The following RAP1GAP2 variants were observed in gnomAD, a reference collection of about 807,000 sequenced individuals.
RAP1GAP2 encodes the protein rap1 GTPase-activating protein 2.
Under a neutral mutation model 95.0 loss-of-function variants are expected in RAP1GAP2, and 27 were observed. That is an observed-to-expected ratio of 0.28 (90% confidence interval 0.21 to 0.39). The LOEUF is 0.39. RAP1GAP2 is among the 10% of genes least tolerant of loss of function. The pLI, the probability that RAP1GAP2 is intolerant of heterozygous loss-of-function variation, is 1.00. For synonymous variants in RAP1GAP2, 373 were observed against 380.9 expected, an observed-to-expected ratio of 0.98 and a Z score of 0.24; for missense variants, 771 against 970.0, an observed-to-expected ratio of 0.79 and a Z score of 2.72.
intron 2 of RAP1GAP2, among the ~76,000 whole-genome samples, chr17:2,874,007 C>T (rs2072975609): frequency 6.6e-6 from 1 of 151,990 alleles, no homozygotes; most frequent in South Asian, 2.1e-4. Flanking sequence ...AACTCCCGAC[C>T]TCAGGTGATC....
At chr17:2,959,401 C>T (rs1291940605) in intron 4 of RAP1GAP2, among the ~76,000 whole-genome samples, 1 of 152,134 alleles carries the variant, frequency 6.6e-6, no homozygotes, top group East Asian at 1.9e-4. Flanking sequence ...GTGCCTGTTC[C>T]CTTTCAGTTG....
intron 2 of RAP1GAP2, among the ~76,000 whole-genome samples, chr17:2,834,904 AAATTAAATT>A (rs1327743707): frequency 6.6e-6 from 1 of 151,924 alleles, no homozygotes; most frequent in Non-Finnish European, 1.5e-5. Flanking sequence ...AAATTAAAAT[AAATTAAATT>A]AATTAATTAT....
chr17:2,825,774 G>A lies in RAP1GAP2; in HGVS notation c.80+25224G>A, dbSNP rs932540882. Among the ~76,000 whole-genome samples, 1 of 152,080 alleles carries A rather than the reference G, an allele frequency of 6.6e-6. No individual in the cohort carries two copies. ...AGCGTTTAGGTGTGAAGAGGGTCTG[G>A]TGCCCGCATCCAAGGAACTCACAGT... On this transcript the variant is annotated intron_variant, in intron 2 of 24. Transcript: ENST00000254695. The surrounding 1 kb of genome is among the most constrained non-coding windows in gnomAD (Gnocchi z 4.1).
At chr17:3,030,034 A>G (rs531953670) in intron 22 of RAP1GAP2, among the ~76,000 whole-genome samples, 1 of 148,556 alleles carries the variant, frequency 6.7e-6, no homozygotes, top group East Asian at 1.9e-4. Flanking sequence ...TAAGTATTTT[A>G]TATGTATATA....
intron 14 of RAP1GAP2, among the ~76,000 whole-genome samples, chr17:2,999,417 C>G (rs1157590220): frequency 6.6e-6 from 1 of 152,150 alleles, no homozygotes; most frequent in Non-Finnish European, 1.5e-5. Context: ...AAAGAGAGGC[C>G]ATACCTTAAA....
chr17:2,863,783 A>G (rs1455405977), intron 2 of RAP1GAP2, among the ~76,000 whole-genome samples: 1 of 152,126 alleles, frequency 6.6e-6, no homozygotes, highest in Non-Finnish European at 1.5e-5. Flanking sequence ...AGGGCCGGGC[A>G]CGGTGGCTCA....
chr17:2,990,672 C>T (rs147390324), intron 11 of RAP1GAP2, among the ~76,000 whole-genome samples: 29 of 152,192 alleles, frequency 1.9e-4, no homozygotes, highest in African/African-American at 6.0e-4. Context: ...ACAGTGGCTG[C>T]GTCATTTTCC....
intron 1 of RAP1GAP2, among the ~76,000 whole-genome samples, chr17:2,781,681 T>C (rs2068655180): frequency 2.7e-5 from 4 of 150,202 alleles, no homozygotes; most frequent in Admixed American, 2.0e-4. Context: ...CGTCTCTGTG[T>C]GTGCAGGTCT....
chr17:2,836,671 T>C (rs941434709), intron 2 of RAP1GAP2, among the ~76,000 whole-genome samples: 3 of 151,940 alleles, frequency 2.0e-5, no homozygotes, highest in African/African-American at 7.3e-5. Context: ...AACAAAAAAC[T>C]GGCTTCAGGT....
chr17:2,945,748 A>G (rs2043676384), intron 3 of RAP1GAP2, among the ~76,000 whole-genome samples: 4 of 150,228 alleles, frequency 2.7e-5, no homozygotes, highest in Admixed American at 2.7e-4. Context: ...TTTCTTCTTC[A>G]TCCTGTTAAT....
Position 2,797,994 on chromosome 17 carries a change from A to G in RAP1GAP2, c.44+1423A>G, listed in dbSNP as rs1597326691. On this transcript the variant is annotated intron_variant, in intron 1 of 24. Transcript: ENST00000254695. This position sits in a 1 kb window ranked among gnomAD's most constrained non-coding sequence, Gnocchi z 5.6. Reference sequence around the variant, plus strand: ...CCCGGTCTCAGCCTAGCTTCATTCCATATGAAGCCCTCTGTGTTGAGACCC... The same window carrying G: ...CCCGGTCTCAGCCTAGCTTCATTCCGTATGAAGCCCTCTGTGTTGAGACCC... 1.3e-5 allele frequency among the ~76,000 whole-genome samples: 2 copies of G among 152,298 alleles called. No homozygotes were observed. Among genetic ancestry groups the G allele is most frequent in the South Asian group, 4.1e-4 (2 of 4,820 alleles).
chr17:2,774,157 G>T (rs1364256431), upstream of RAP1GAP2, among the ~76,000 whole-genome samples: 1 of 152,180 alleles, frequency 6.6e-6, no homozygotes, highest in Non-Finnish European at 1.5e-5. Context: ...AGAATTGTCT[G>T]AAGGGTTCCC....
Position 2,963,187 on chromosome 17 carries a change from A to G in RAP1GAP2, c.247-243A>G. On this transcript the variant is annotated intron_variant, in intron 5 of 24. Coordinates refer to ENST00000254695, the MANE Select transcript of RAP1GAP2 (RefSeq NM_015085.5). This position sits in a 1 kb window ranked among gnomAD's most constrained non-coding sequence, Gnocchi z 4.8. ...TGAGAAGCTGGTATCACGAGGGGTG[A>G]GAAGTTCAGCACCTTCGGACACTGC... 1 of 585,862 alleles carries G rather than the reference A, an allele frequency of 1.7e-6. No homozygotes were observed. The highest frequency in any genetic ancestry group is 2.1e-5 in the South Asian group (1 of 48,288). The allele number at this position is 585,862 out of a possible 1,614,324, so 36.3% of individuals were successfully genotyped here. A position where few individuals can be genotyped will look rare whatever the true frequency, so the allele number is the denominator to read the frequency against.
upstream of RAP1GAP2, among the ~76,000 whole-genome samples, chr17:2,776,691 G>A (rs376337322): frequency 0.037 from 5,537 of 149,750 alleles, 155 homozygotes; most frequent in Non-Finnish European, 0.052. Context: ...CCGGCTGCGC[G>A]TGCGCGGCGG....
At chr17:2,826,147 A>AT (rs71150901) in intron 2 of RAP1GAP2, among the ~76,000 whole-genome samples, 36,073 of 108,588 alleles carry the variant, frequency 0.33, 6,650 homozygotes, top group African/African-American at 0.49. Context: ...CGCCCAGCAA[A>AT]TTTTTTTTTT....
At chr17:2,993,806 G>A (rs1306682417) in intron 12 of RAP1GAP2, among the ~76,000 whole-genome samples, 3 of 152,014 alleles carry the variant, frequency 2.0e-5, no homozygotes, top group African/African-American at 4.8e-5. Context: ...AGGCCGAGGC[G>A]GGTGGATCGC....
rs1418833316 is a variant in RAP1GAP2, at chr17:2,988,232, C to CT, written c.814-3060dup. Reference sequence around the variant, plus strand: ...TCAAAAAAAAAAAAAAATTACTAACCTTTTTATCTTTAGGTATTTGTAGAT... The same window carrying CT: ...TCAAAAAAAAAAAAAAATTACTAACCTTTTTTATCTTTAGGTATTTGTAGAT... On this transcript the variant is annotated intron_variant, in intron 11 of 24. Transcript: ENST00000254695. 1.1e-4 allele frequency among the ~76,000 whole-genome samples: 16 copies of CT among 151,916 alleles called. No individual in the cohort carries two copies. The East Asian group carries it at 1.7e-3, about 17-fold the overall frequency.
intron 2 of RAP1GAP2, among the ~76,000 whole-genome samples, chr17:2,814,858 G>T (rs114301688): frequency 0.043 from 6,478 of 152,188 alleles, 285 homozygotes; most frequent in East Asian, 0.15. Context: ...GGGGGGGAGG[G>T]TTGACGGCAG....
intron 1 of RAP1GAP2, among the ~76,000 whole-genome samples, chr17:2,756,448 A>ACCTGATCTGGGCC (rs1023175154): frequency 6.6e-6 from 1 of 152,140 alleles, no homozygotes; most frequent in African/African-American, 2.4e-5. Context: ...CTGTCGAGTC[A>ACCTGATCTGGGCC]CCTGATCTGG....
Sources: allele counts gnomAD v4.1 joint callset (sites outside exome capture counted in the v4.1 genomes callset), GRCh38; gene constraint gnomAD v4.1.1; non-coding constraint Gnocchi (gnomAD v3.1); transcripts MANE v1.5; gene names NCBI Gene and HGNC (gene_info 2026-07-23, HGNC 2026-07-21).